The following ZNF292 variants were observed in gnomAD, a reference collection of about 807,000 sequenced individuals.
ZNF292 encodes 16 zinc-finger domain protein.
ZNF292 carries 26 observed loss-of-function variants against 217.9 expected under a neutral mutation model. The observed-to-expected ratio is 0.12, with a 90% CI of 0.09 to 0.17. The LOEUF (loss-of-function observed/expected upper bound fraction) is 0.17, where lower values mean the gene tolerates loss of function less well. Ranked by LOEUF, ZNF292 falls within the 10% of genes least tolerant of loss-of-function variation. The pLI, the probability that ZNF292 is intolerant of heterozygous loss-of-function variation, is 1.00. For synonymous variants in ZNF292, 1,257 were observed against 1,124.1 expected (o/e 1.12, Z -2.37); for missense variants, 2,904 against 3,175.2 (o/e 0.91, Z 2.05).
chr6:87,265,553 A>C lies in ZNF292; in HGVS notation c.*3752A>C, dbSNP rs565853721. ...ATAATTTAATGCATGTTTGCATATT[A>C]AAGACAAAAGTTCTACTGTAAATAT... On this transcript the variant is annotated 3_prime_UTR_variant, in exon 8 of 8. Transcript: ENST00000369577. 2.8e-4 allele frequency among the ~76,000 whole-genome samples: 42 copies of C among 152,204 alleles called. No individual in the cohort carries two copies. The highest frequency in any genetic ancestry group is 4.7e-4 in the Non-Finnish European group (32 of 68,018).
chr6:87,174,610 T>C (rs1771221501), intron 1 of ZNF292, among the ~76,000 whole-genome samples: 1 of 152,160 alleles, frequency 6.6e-6, no homozygotes, highest in Non-Finnish European at 1.5e-5. Flanking sequence ...ACTAAGATAG[T>C]GAATGTTCTT....
chr6:87,258,887 A>G lies in ZNF292; in HGVS notation c.5258A>G (p.Gln1753Arg), dbSNP rs1218773626. 6.2e-7 allele frequency: 1 copy of G among 1,606,676 alleles called. No individual in the cohort carries two copies. The highest frequency in any genetic ancestry group is 1.3e-5 in the African/African-American group (1 of 74,788). ...DLQISEDNVIQNFEKTLEIIK... is the reference protein window; with the variant it reads ...DLQISEDNVIRNFEKTLEIIK... ...CAGATTTCTGAAGACAATGTTATAC[A>G]AAACTTTGAAAAGACTCTTGAAATT... Residue 1753 changes from glutamine to arginine, a missense_variant, in exon 8 of 8, where the codon CAA becomes CGA. Physicochemically the swap from Gln to Arg is conservative, Grantham distance 43. Coordinates refer to ENST00000369577, the MANE Select transcript of ZNF292 (RefSeq NM_015021.3).
intron 1 of ZNF292, among the ~76,000 whole-genome samples, chr6:87,190,465 C>T (rs911523007): frequency 2.0e-5 from 3 of 151,768 alleles, no homozygotes; most frequent in Admixed American, 6.6e-5. Flanking sequence ...TTATTTTATA[C>T]TTTTATTTAT....
intron 4 of ZNF292, among the ~76,000 whole-genome samples, chr6:87,229,846 G>A (rs139475410): frequency 3.1e-4 from 47 of 152,340 alleles, no homozygotes; most frequent in African/African-American, 1.1e-3. Context: ...ACAATCAAGT[G>A]TGTGCTTTAA....
rs1775746683 is a variant in ZNF292 at position 87,264,377 on chromosome 6, A to G, written c.*2576A>G. On this transcript the variant is annotated 3_prime_UTR_variant, in exon 8 of 8. Transcript: ENST00000369577. Reference sequence around the variant, plus strand: ...AAATGTAACAGTTTTTGAAATTTTCAACGGTGTTAAATTTAACATAGGTAC... The same window carrying G: ...AAATGTAACAGTTTTTGAAATTTTCGACGGTGTTAAATTTAACATAGGTAC... Among the ~76,000 whole-genome samples, 1 of 152,230 alleles carries G rather than the reference A, an allele frequency of 6.6e-6. No homozygotes were observed. Among genetic ancestry groups the G allele is most frequent in the South Asian group, 2.1e-4 (1 of 4,836 alleles).
Position 87,256,958 on chromosome 6 carries a change from A to G in ZNF292, c.3329A>G (p.Asn1110Ser). Residue 1110 changes from asparagine (N) to serine (S), a missense_variant, in exon 8 of 8, where the codon AAT (asparagine) becomes AGT (serine). By Grantham distance (46) the Asn-to-Ser change is conservative (BLOSUM62 1). Around this residue, in one of 15 missense-constraint regions of ZNF292, gnomAD observed 687 missense variants for 623.0 expected, o/e 1.10. Transcript: ENST00000369577. ...GTCGAGGGATGTACTCGAACCTATA[A>G]TTCTTCACAGAGTATTGGGAAACAC... ...CQVEGCTRTY[N>S]SSQSIGKHMK... The G allele has an allele frequency of 6.2e-7, 1 of 1,613,812 alleles. No homozygotes were observed. Among genetic ancestry groups the G allele is most frequent in the Non-Finnish European group, 8.5e-7 (1 of 1,179,842 alleles).
rs560800914 is a variant in ZNF292 at position 87,263,268 on chromosome 6, C to G, written c.*1467C>G. On this transcript the variant is annotated 3_prime_UTR_variant, in exon 8 of 8. Transcript: ENST00000369577. ...TAAGAAAACATCTTTGCAATATTTA[C>G]TTTTGTTTCTGTTTGCCGTAAATAG... The G allele has an allele frequency of 1.3e-5, 2 of 151,990 alleles. No homozygotes were observed. The highest frequency in any genetic ancestry group is 4.2e-4 in the South Asian group (2 of 4,806). 9.4% of individuals were successfully genotyped at this position (151,990 alleles called of 1,614,324 possible).
intron 1 of ZNF292, among the ~76,000 whole-genome samples, chr6:87,159,650 G>A (rs1770663477): frequency 6.6e-6 from 1 of 151,938 alleles, no homozygotes; most frequent in Non-Finnish European, 1.5e-5. Context: ...TTACAGGCAT[G>A]TGCCACCATG....
intron 1 of ZNF292, among the ~76,000 whole-genome samples, chr6:87,210,240 T>C (rs1303356844): frequency 6.6e-6 from 1 of 152,160 alleles, no homozygotes; most frequent in Non-Finnish European, 1.5e-5. Flanking sequence ...GGTTAAAAAT[T>C]GGCTCTTAAA....
At chr6:87,178,033 C>T (rs1427456830) in intron 1 of ZNF292, among the ~76,000 whole-genome samples, 1 of 150,810 alleles carries the variant, frequency 6.6e-6, no homozygotes, top group Non-Finnish European at 1.5e-5. Context: ...TTAGCTTTCT[C>T]CTTTAGTGTT....
intron 4 of ZNF292, among the ~76,000 whole-genome samples, chr6:87,222,158 G>A (rs1773115288): frequency 6.6e-6 from 1 of 151,748 alleles, no homozygotes; most frequent in Non-Finnish European, 1.5e-5. Context: ...GTTATTCAAG[G>A]ATTTTGTCCT....
In ZNF292 at chr6:87,218,673, G is replaced by A; in HGVS notation, c.480G>A (p.Val160=). The A allele has an allele frequency of 6.3e-7, 1 of 1,595,548 alleles. No homozygotes were observed. The highest frequency in any genetic ancestry group is 8.5e-7 in the Non-Finnish European group (1 of 1,170,996). The change falls in exon 4 of 8, where the codon GTG becomes GTA. Residue 160 remains valine (V), a synonymous_variant. Transcript: ENST00000369577. ...FLATLAQETG[V]WKNPVLCTIL... is the part of the protein sequence containing the mutation. ...CTACTCTAGCTCAAGAGACTGGGGT[G>A]TGGAAAAACCCGGTACTGTGCACTA... is the stretch of plus-strand genomic sequence containing the variant.
At chr6:87,253,751 G>A (rs931525460) in intron 7 of ZNF292, among the ~76,000 whole-genome samples, 1 of 151,654 alleles carries the variant, frequency 6.6e-6, no homozygotes, top group African/African-American at 2.4e-5. Flanking sequence ...GGCCCTATCA[G>A]TTCTCTCTAC....
chr6:87,257,586 T>G lies in ZNF292; in HGVS notation c.3957T>G (p.Val1319=). The G allele has an allele frequency of 6.2e-7, 1 of 1,606,354 alleles. No individual in the cohort carries two copies. The highest frequency in any genetic ancestry group is 1.1e-5 in the South Asian group (1 of 89,854). Reference sequence around the variant, plus strand: ...AGGGGGGTAATGGTGAAAATGCAGTTTTTCCTTCACAAGTGAATGTTGCAA... The same window carrying G: ...AGGGGGGTAATGGTGAAAATGCAGTGTTTCCTTCACAAGTGAATGTTGCAA... ...FLKGGNGENA[V]FPSQVNVANN... Residue 1319 remains valine (V), a synonymous_variant, in exon 8 of 8, where the codon GTT becomes GTG. Transcript: ENST00000369577.
intron 1 of ZNF292, among the ~76,000 whole-genome samples, chr6:87,185,857 G>A (rs1771631602): frequency 6.6e-6 from 1 of 152,190 alleles, no homozygotes. Context: ...AGGAAGAGAT[G>A]TATAGGACAA....
In ZNF292 at chr6:87,257,847, C is replaced by T. The variant is rs373518922; in HGVS notation, c.4218C>T (p.Ala1406=). ...KRSYCKPLDG[A]EIAQELLQSN... ...CTTACTGTAAACCACTGGATGGAGCCGAAATTGCTCAAGAACTTCTACAGA... is the reference window on the plus strand; with the variant it reads ...CTTACTGTAAACCACTGGATGGAGCTGAAATTGCTCAAGAACTTCTACAGA... The change falls in exon 8 of 8, where the codon GCC becomes GCT. Residue 1406 remains alanine (A), a synonymous_variant. Coordinates refer to ENST00000369577, the MANE Select transcript of ZNF292 (RefSeq NM_015021.3). The T allele has an allele frequency of 6.3e-5, 102 of 1,613,700 alleles. No homozygotes were observed. Among genetic ancestry groups the T allele is most frequent in the Non-Finnish European group, 8.1e-5 (95 of 1,179,804 alleles).
chr6:87,163,348 G>C (rs1468959708), intron 1 of ZNF292, among the ~76,000 whole-genome samples: 1 of 152,028 alleles, frequency 6.6e-6, no homozygotes, highest in East Asian at 1.9e-4. Flanking sequence ...CTACTCAGGA[G>C]GCTGAGGCAG....
chr6:87,189,382 C>G (rs1352308013), intron 1 of ZNF292, among the ~76,000 whole-genome samples: 1 of 151,834 alleles, frequency 6.6e-6, no homozygotes, highest in East Asian at 1.9e-4. Flanking sequence ...AATTAATGAT[C>G]CAATATTCAT....
chr6:87,247,478 G>T (rs182660838), intron 7 of ZNF292, among the ~76,000 whole-genome samples: 5 of 152,284 alleles, frequency 3.3e-5, no homozygotes, highest in Non-Finnish European at 7.4e-5. Flanking sequence ...ATAACTACAA[G>T]TCTACCCTCA....
Sources: allele counts gnomAD v4.1 joint callset (sites outside exome capture counted in the v4.1 genomes callset), GRCh38; gene constraint gnomAD v4.1.1; regional missense constraint gnomAD v4.1.1; transcripts MANE v1.5; gene names NCBI Gene and HGNC (gene_info 2026-07-23, HGNC 2026-07-21).